CNTN4: variants seen among roughly 807,000 people sequenced by gnomAD.
CNTN4 encodes contactin 4.
A neutral mutation model predicts 122.5 loss-of-function variants in CNTN4; 77 were observed. The observed-to-expected ratio is 0.63, with a 90% confidence interval of 0.52 to 0.76. The LOEUF is 0.76. Among genes scored for constraint, CNTN4 ranks in the 30% least tolerant of loss-of-function variants. CNTN4 has a pLI of 0.00. For missense variants in CNTN4, 1,256 were observed against 1,259.1 expected (o/e 1.00, Z 0.04); for synonymous variants, 512 against 447.0 (o/e 1.15, Z -1.83).
At chr3:2,157,566 T>TA (rs2035778409) in intron 2 of CNTN4, among the ~76,000 whole-genome samples, 1 of 152,222 alleles carries the variant, frequency 6.6e-6, no homozygotes, top group Non-Finnish European at 1.5e-5. Context: ...ACTTTACTGT[T>TA]ACTATCTGGG....
intron 3 of CNTN4, among the ~76,000 whole-genome samples, chr3:2,490,156 GAAAAC>G (rs1451717700): frequency 0.073 from 76 of 1,040 alleles, no homozygotes; most frequent in Admixed American, 0.22. Flanking sequence ...AAGGAAAAAA[GAAAAC>G]AAGCAAACAA....
At chr3:2,744,537 G>C (rs1274834595) in intron 5 of CNTN4, among the ~76,000 whole-genome samples, 2 of 152,086 alleles carry the variant, frequency 1.3e-5, no homozygotes, top group Non-Finnish European at 2.9e-5. Context: ...TGATACTCTT[G>C]GTAATTCACA....
At chr3:2,328,565 A>C (rs2043574007) in intron 2 of CNTN4, among the ~76,000 whole-genome samples, 1 of 152,152 alleles carries the variant, frequency 6.6e-6, no homozygotes, top group South Asian at 2.1e-4. Flanking sequence ...CATTGATAGG[A>C]GTTAGAAATA....
intron 2 of CNTN4, among the ~76,000 whole-genome samples, chr3:2,170,135 C>A (rs1180967643): frequency 2.0e-5 from 3 of 151,676 alleles, no homozygotes; most frequent in Non-Finnish European, 2.9e-5. Flanking sequence ...TCCTGGCTAA[C>A]ACGGTGAAAC....
intron 3 of CNTN4, among the ~76,000 whole-genome samples, chr3:2,398,893 T>C (rs928685258): frequency 5.9e-5 from 9 of 152,132 alleles, no homozygotes; most frequent in African/African-American, 1.9e-4. Flanking sequence ...GGATTTGCAA[T>C]AAACTATAGA....
At chr3:2,924,161 A>G (rs1423877408) in intron 12 of CNTN4, among the ~76,000 whole-genome samples, 1 of 152,104 alleles carries the variant, frequency 6.6e-6, no homozygotes, top group Admixed American at 6.6e-5. Context: ...TGACCTCTCC[A>G]TCTTTATTTG....
chr3:3,047,668 G>A (rs909622696), intron 23 of CNTN4, among the ~76,000 whole-genome samples: 1 of 149,456 alleles, frequency 6.7e-6, no homozygotes, highest in African/African-American at 2.5e-5. Context: ...GCCCACAAGA[G>A]AAAGCAGGAA....
intron 2 of CNTN4, among the ~76,000 whole-genome samples, chr3:2,255,307 G>A (rs2040536214): frequency 6.6e-6 from 1 of 152,068 alleles, no homozygotes; most frequent in African/African-American, 2.4e-5. Flanking sequence ...GACCTACAAA[G>A]AGACTTAGAC....
chr3:2,189,775 A>G (rs953094564), intron 2 of CNTN4, among the ~76,000 whole-genome samples: 2 of 152,154 alleles, frequency 1.3e-5, no homozygotes, highest in African/African-American at 4.8e-5. Context: ...AATATTTTCT[A>G]ATGCTCTTTG....
At chr3:2,777,300 T>C (rs914449757) in intron 6 of CNTN4, among the ~76,000 whole-genome samples, 5 of 152,236 alleles carry the variant, frequency 3.3e-5, no homozygotes, top group African/African-American at 1.2e-4. Context: ...CTCAGGTTAA[T>C]TATGCTTCCC....
chr3:2,729,521 G>C (rs923891796), intron 4 of CNTN4, among the ~76,000 whole-genome samples: 1 of 127,374 alleles, frequency 7.9e-6, no homozygotes, highest in Non-Finnish European at 1.6e-5. Flanking sequence ...TCCAGCCTGG[G>C]CAACAGAGTG....
chr3:2,638,676 G>T (rs941972435), intron 4 of CNTN4, among the ~76,000 whole-genome samples: 1 of 152,096 alleles, frequency 6.6e-6, no homozygotes, highest in South Asian at 2.1e-4. Flanking sequence ...GACATATACA[G>T]TGTGATGACT....
At chr3:2,757,751 G>T (rs892189431) in intron 6 of CNTN4, among the ~76,000 whole-genome samples, 6 of 152,122 alleles carry the variant, frequency 3.9e-5, no homozygotes, top group African/African-American at 9.7e-5. Flanking sequence ...ATGCGTTAGG[G>T]TTCAGAGGTT....
At chr3:2,933,563 G>C (rs2094543378) in intron 13 of CNTN4, among the ~76,000 whole-genome samples, 1 of 152,164 alleles carries the variant, frequency 6.6e-6, no homozygotes, top group Non-Finnish European at 1.5e-5. Flanking sequence ...GGCATAGTGA[G>C]TTTGGAGTCC....
At chr3:2,242,348 G>A (rs535800627) in intron 2 of CNTN4, among the ~76,000 whole-genome samples, 6 of 152,214 alleles carry the variant, frequency 3.9e-5, no homozygotes, top group African/African-American at 9.6e-5. Flanking sequence ...TGAAGTTGGT[G>A]AGGCTGAGGC....
At chr3:2,164,873 C>T (rs1480739875) in intron 2 of CNTN4, among the ~76,000 whole-genome samples, 3 of 151,850 alleles carry the variant, frequency 2.0e-5, no homozygotes, top group Non-Finnish European at 4.4e-5. Flanking sequence ...CAAAACAAAA[C>T]AAAAGGAGGT....
chr3:2,287,657 A>G lies in CNTN4; in HGVS notation c.-144-51521A>G, dbSNP rs183415301. Among the ~76,000 whole-genome samples, 233 of 31,144 alleles carry G rather than the reference A, an allele frequency of 7.5e-3. 2 individuals carry two copies. The highest frequency in any genetic ancestry group is 0.018 in the African/African-American group (219 of 12,404). 20.4% of individuals were successfully genotyped at this position (31,144 alleles called of 152,430 possible). A position where few individuals can be genotyped will look rare whatever the true frequency, so the allele number is the denominator to read the frequency against. On this transcript the variant is annotated intron_variant, in intron 2 of 24. Transcript: ENST00000418658. ...GAGAAGAAGAAGAAGAAGAAGAAGA[A>G]GAAGAAGAAGAAGAAGAAGAAGAAG...
chr3:2,988,076 A>G (rs1342456535), intron 13 of CNTN4, among the ~76,000 whole-genome samples: 1 of 152,202 alleles, frequency 6.6e-6, no homozygotes, highest in African/African-American at 2.4e-5. Flanking sequence ...AATCGTTACA[A>G]CCTGTCTAAT....
At chr3:2,824,963 A>T (rs188051637) in intron 7 of CNTN4, among the ~76,000 whole-genome samples, 2 of 152,014 alleles carry the variant, frequency 1.3e-5, no homozygotes, top group Non-Finnish European at 2.9e-5. Flanking sequence ...GCACTGGCCA[A>T]TTGAAAATAA....
Sources: gnomAD v4.1 joint callset for allele counts (sites outside exome capture counted in the v4.1 genomes callset) on GRCh38, gnomAD v4.1.1 for gene constraint, MANE v1.5 for transcripts, NCBI Gene and HGNC (gene_info 2026-07-23, HGNC 2026-07-21) for gene names.